Variants in DGKB observed in about 807,000 individuals in gnomAD.
DGKB encodes diacylglycerol kinase beta, also known as 90 kDa diacylglycerol kinase.
Under a neutral mutation model 114.3 loss-of-function variants are expected in DGKB, and 67 were observed. The observed-to-expected ratio is 0.59, with a 90% CI of 0.48 to 0.72. DGKB has a LOEUF of 0.72. Ranked by LOEUF, DGKB falls within the 30% of genes least tolerant of loss-of-function variation. The probability of loss-of-function intolerance (pLI) is 0.00; values close to 1 mark genes in which losing one functional copy is unlikely to be tolerated. For synonymous variants in DGKB, 398 were observed against 323.1 expected (o/e 1.23, Z -2.49); for missense variants, 907 against 975.2 (o/e 0.93, Z 0.93).
In DGKB at chr7:14,148,780, T is replaced by C; in HGVS notation, c.*351A>G. On this transcript the variant is annotated 3_prime_UTR_variant, in exon 26 of 26. Transcript: ENST00000402815. ...TTGGAATCACACTGAGAATCACGTT[T>C]CCCATGGTATTTCCTTTTTCATGTT... 3 of 316,622 alleles carry C rather than the reference T, an allele frequency of 9.5e-6. 1 individual carries two copies. In the South Asian group the frequency reaches 9.5e-5, roughly 10 times the overall value. 19.6% of individuals were successfully genotyped at this position (316,622 alleles called of 1,614,324 possible). A position where few individuals can be genotyped will look rare whatever the true frequency, so the allele number is the denominator to read the frequency against.
At chr7:14,161,253 G>A (rs1247078467) in intron 25 of DGKB, among the ~76,000 whole-genome samples, 1 of 152,174 alleles carries the variant, frequency 6.6e-6, no homozygotes, top group Non-Finnish European at 1.5e-5. Flanking sequence ...AAGACAGTGT[G>A]GCGATTTCTC....
intron 25 of DGKB, among the ~76,000 whole-genome samples, chr7:14,173,416 G>A (rs1228839572): frequency 1.3e-5 from 2 of 152,076 alleles, no homozygotes; most frequent in African/African-American, 2.4e-5. Context: ...CAATCACATT[G>A]TTGTGTCACC....
chr7:14,914,463 G>C (rs1456129696), intron 1 of DGKB, among the ~76,000 whole-genome samples: 1 of 152,058 alleles, frequency 6.6e-6, no homozygotes, highest in South Asian at 2.1e-4. Flanking sequence ...ATGAATCTAG[G>C]AGAAACTAAA....
At chr7:14,184,872 C>A (rs1393278394) in intron 23 of DGKB, among the ~76,000 whole-genome samples, 1 of 152,074 alleles carries the variant, frequency 6.6e-6, no homozygotes. Context: ...AAGGGACATA[C>A]CTTAATGTAA....
Position 14,155,967 on chromosome 7 carries a change from C to T in DGKB, c.2305-6729G>A, listed in dbSNP as rs927336979. Among the ~76,000 whole-genome samples the T allele has an allele frequency of 1.6e-4, 25 of 151,928 alleles. 1 individual carries two copies. Among genetic ancestry groups the T allele is most frequent in the Admixed American group, 1.2e-3 (19 of 15,226 alleles). On this transcript the variant is annotated intron_variant, in intron 25 of 25. Transcript: ENST00000402815. ...CTTATAACAATGTCAGCAATTGAGACGAAATTACTGAAGACCAGTGGGGCA... is the reference window on the plus strand; with the variant it reads ...CTTATAACAATGTCAGCAATTGAGATGAAATTACTGAAGACCAGTGGGGCA...
At chr7:14,669,633 T>C (rs1818621699) in intron 13 of DGKB, among the ~76,000 whole-genome samples, 1 of 152,202 alleles carries the variant, frequency 6.6e-6, no homozygotes, top group African/African-American at 2.4e-5. Context: ...ATTTAAGGCA[T>C]ATGATTACTG....
At chr7:14,603,441 G>A (rs991485080) in intron 17 of DGKB, among the ~76,000 whole-genome samples, 5 of 151,912 alleles carry the variant, frequency 3.3e-5, no homozygotes, top group African/African-American at 7.2e-5. Flanking sequence ...ATATGTAAAA[G>A]GTCATAAGCT....
At chr7:14,734,796 T>C (rs2128397912) in intron 5 of DGKB, among the ~76,000 whole-genome samples, 1 of 152,324 alleles carries the variant, frequency 6.6e-6, no homozygotes. Context: ...CACATAAACA[T>C]AAGTTCCTTC....
chr7:14,764,596 G>A (rs1223082419), intron 2 of DGKB, among the ~76,000 whole-genome samples: 1 of 151,872 alleles, frequency 6.6e-6, no homozygotes, highest in African/African-American at 2.4e-5. Flanking sequence ...AAGGCTCTCA[G>A]TTGAGTCTTA....
intron 23 of DGKB, among the ~76,000 whole-genome samples, chr7:14,289,733 C>A (rs1471208378): frequency 6.6e-5 from 7 of 105,726 alleles, no homozygotes; most frequent in African/African-American, 7.7e-5. Context: ...AAACATAAAT[C>A]AGACATGGAC....
intron 23 of DGKB, among the ~76,000 whole-genome samples, chr7:14,232,210 C>T (rs1471101955): frequency 2.0e-5 from 3 of 151,866 alleles, no homozygotes; most frequent in Non-Finnish European, 4.4e-5. Flanking sequence ...GACATTCACG[C>T]TCCCTAGAAT....
chr7:14,780,645 C>T (rs1838948150), intron 2 of DGKB, among the ~76,000 whole-genome samples: 1 of 151,836 alleles, frequency 6.6e-6, no homozygotes, highest in Admixed American at 6.6e-5. Context: ...TTTTTTCACA[C>T]TGCTTATGTG....
At chr7:14,949,181 T>C (rs1786039373) in intron 1 of DGKB, among the ~76,000 whole-genome samples, 1 of 151,850 alleles carries the variant, frequency 6.6e-6, no homozygotes, top group Non-Finnish European at 1.5e-5. Context: ...AAAATCTATA[T>C]AGAAATATTC....
At chr7:14,817,545 T>C (rs1315804476) in intron 2 of DGKB, among the ~76,000 whole-genome samples, 1 of 152,128 alleles carries the variant, frequency 6.6e-6, no homozygotes, top group Admixed American at 6.5e-5. Flanking sequence ...GAAGTAAACA[T>C]TGGGTTTTGA....
At chr7:14,293,207 T>A (rs1331676716) in intron 23 of DGKB, among the ~76,000 whole-genome samples, 1 of 152,184 alleles carries the variant, frequency 6.6e-6, no homozygotes, top group Non-Finnish European at 1.5e-5. Flanking sequence ...GGGAATAAAG[T>A]TTCTTTTATA....
At chr7:14,368,265 T>C (rs1214611968) in intron 21 of DGKB, among the ~76,000 whole-genome samples, 2 of 152,114 alleles carry the variant, frequency 1.3e-5, no homozygotes, top group African/African-American at 2.4e-5. Flanking sequence ...AGTTCACTCT[T>C]GGTGTTATAC....
chr7:14,456,301 C>T (rs1832276939), intron 21 of DGKB, among the ~76,000 whole-genome samples: 1 of 151,978 alleles, frequency 6.6e-6, no homozygotes, highest in African/African-American at 2.4e-5. Context: ...CCAAGCATTT[C>T]ACATAAGAGC....
chr7:14,859,919 A>C (rs899559280), intron 1 of DGKB, among the ~76,000 whole-genome samples: 1 of 152,078 alleles, frequency 6.6e-6, no homozygotes, highest in Admixed American at 6.6e-5. Context: ...ACTTTCACCG[A>C]AGTTGTACCC....
At chr7:14,625,916 T>A (rs542160139) in intron 14 of DGKB, among the ~76,000 whole-genome samples, 1 of 152,192 alleles carries the variant, frequency 6.6e-6, no homozygotes, top group Non-Finnish European at 1.5e-5. Flanking sequence ...ATTCAGTGTT[T>A]TGTGATCCGT....
Sources: gnomAD v4.1 joint callset for allele counts (sites outside exome capture counted in the v4.1 genomes callset) on GRCh38, gnomAD v4.1.1 for gene constraint, MANE v1.5 for transcripts, NCBI Gene and HGNC (gene_info 2026-07-23, HGNC 2026-07-21) for gene names.